PCBD2: variants seen among roughly 807,000 people sequenced by gnomAD.
PCBD2 encodes pterin-4-alpha-carbinolamine dehydratase 2.
Under a neutral mutation model 16.4 loss-of-function variants are expected in PCBD2, and 12 were observed. The ratio of observed to expected loss-of-function variants is 0.73; its 90% confidence interval spans 0.47 to 1.19. The LOEUF is 1.19. PCBD2 is among the 50% of genes most tolerant of loss of function. PCBD2 has a pLI of 0.00. For missense variants in PCBD2, 138 were observed against 156.8 expected, an observed-to-expected ratio of 0.88 and a Z score of 0.64; for synonymous variants, 58 against 61.8, an observed-to-expected ratio of 0.94 and a Z score of 0.29.
At chr5:134,950,734 A>T (rs1004308475) in intron 2 of PCBD2, among the ~76,000 whole-genome samples, 4 of 152,228 alleles carry the variant, frequency 2.6e-5, no homozygotes, top group Non-Finnish European at 4.4e-5. Context: ...TTAAAAAGTC[A>T]TACTTCATCA....
At chr5:134,926,034 G>A (rs1344411039) in intron 2 of PCBD2, 6 of 374,286 alleles carry the variant, frequency 1.6e-5, no homozygotes, top group Admixed American at 4.6e-5. Flanking sequence ...CTTCTCAGCC[G>A]ATGAATAGCT....
intron 2 of PCBD2, among the ~76,000 whole-genome samples, chr5:134,932,490 C>T (rs560105551): frequency 2.6e-5 from 4 of 152,132 alleles, no homozygotes; most frequent in African/African-American, 7.2e-5. Flanking sequence ...TACAGGGATG[C>T]GCCACCACGC....
At chr5:134,938,422 T>TG (rs1230972409) in intron 2 of PCBD2, among the ~76,000 whole-genome samples, 1 of 152,212 alleles carries the variant, frequency 6.6e-6, no homozygotes, top group African/African-American at 2.4e-5. Flanking sequence ...TATAAAATGA[T>TG]GTGGGTATTG....
chr5:134,910,455 A>T lies in PCBD2; in HGVS notation c.205A>T (p.Asn69Tyr), dbSNP rs535932812. The change falls in exon 2 of 4, where the codon AAT (asparagine) becomes TAT (tyrosine). Residue 69 changes from asparagine to tyrosine, a missense_variant. By Grantham distance (143) the Asn-to-Tyr change is moderately radical (BLOSUM62 -2). Transcript: ENST00000254908. ...DAIYKEFSFH[N>Y]FNQAFGFMSR... is the part of the protein sequence containing the mutation. ...CATCTACAAAGAATTCTCCTTCCAC[A>T]ATTTTAATCAGGTAATTGTTATAAA... 6.2e-7 allele frequency: 1 copy of T among 1,614,138 alleles called. No individual in the cohort carries two copies. Among genetic ancestry groups the T allele is most frequent in the South Asian group, 1.1e-5 (1 of 91,086 alleles).
chr5:134,961,307 G>A lies in PCBD2; in HGVS notation c.*626G>A, dbSNP rs1177075061. 1 of 143,532 alleles carries A rather than the reference G, an allele frequency of 7.0e-6. No individual in the cohort carries two copies. The highest frequency in any genetic ancestry group is 2.3e-4 in the South Asian group (1 of 4,380). The allele number at this position is 143,532 out of a possible 1,614,324, so 8.9% of individuals were successfully genotyped here. A position where few individuals can be genotyped will look rare whatever the true frequency, so the allele number is the denominator to read the frequency against. On this transcript the variant is annotated 3_prime_UTR_variant, in exon 4 of 4. Transcript: ENST00000254908. ...AGAAGTGGCTTTTTTTTTTTTTTGA[G>A]ACGGAGTCTTGCTCTGTCACCAGGC...
At chr5:134,935,241 G>C (rs1446824284) in intron 2 of PCBD2, among the ~76,000 whole-genome samples, 1 of 152,194 alleles carries the variant, frequency 6.6e-6, no homozygotes, top group Non-Finnish European at 1.5e-5. Flanking sequence ...GCTTTTGCTG[G>C]TTTAAATGTA....
At chr5:134,906,389 A>G (rs1014376548) in intron 1 of PCBD2, among the ~76,000 whole-genome samples, 1 of 151,512 alleles carries the variant, frequency 6.6e-6, no homozygotes, top group Non-Finnish European at 1.5e-5. Context: ...TATTTTTAGT[A>G]GAGGCGGGGT....
At position 134,943,441 on chromosome 5, in the gene PCBD2, C is replaced by T. The variant is rs145046916; in HGVS notation, c.217-15599C>T. Among the ~76,000 whole-genome samples, 491 of 152,328 alleles carry T rather than the reference C, an allele frequency of 3.2e-3. 1 individual carries two copies. Among genetic ancestry groups the T allele is most frequent in the Middle Eastern group, 6.8e-3 (2 of 294 alleles). On this transcript the variant is annotated intron_variant, in intron 2 of 3. Coordinates refer to ENST00000254908, the MANE Select transcript of PCBD2 (RefSeq NM_032151.5). ...TAAGGAAAAGTCACTGTTGATAGCACTCAGAATGCCACCAGTATTGCAGAT... is the reference window on the plus strand; with the variant it reads ...TAAGGAAAAGTCACTGTTGATAGCATTCAGAATGCCACCAGTATTGCAGAT...
chr5:134,922,827 T>A (rs1010461693), intron 2 of PCBD2, among the ~76,000 whole-genome samples: 1 of 152,090 alleles, frequency 6.6e-6, no homozygotes, highest in Admixed American at 6.5e-5. Context: ...CACGCCCAGC[T>A]AATTTTTTGT....
intron 2 of PCBD2, chr5:134,925,558 A>G (rs2149533351): frequency 2.5e-6 from 1 of 398,256 alleles, no homozygotes; most frequent in Middle Eastern, 6.3e-4. Flanking sequence ...GAAGGCCACG[A>G]TTTTTTTGAT....
intron 2 of PCBD2, among the ~76,000 whole-genome samples, chr5:134,939,371 A>G (rs1751197854): frequency 6.8e-6 from 1 of 147,624 alleles, no homozygotes; most frequent in South Asian, 2.1e-4. Flanking sequence ...TGAAGTTTTT[A>G]GAAGTTTGTA....
At chr5:134,922,383 C>T (rs1038304352) in intron 2 of PCBD2, among the ~76,000 whole-genome samples, 2 of 152,028 alleles carry the variant, frequency 1.3e-5, no homozygotes, top group Non-Finnish European at 2.9e-5. Flanking sequence ...TCAAACTGTT[C>T]TTCTCCTTTC....
At chr5:134,931,867 G>C (rs10515465) in intron 2 of PCBD2, among the ~76,000 whole-genome samples, 31,022 of 152,146 alleles carry the variant, frequency 0.2, 3,558 homozygotes, top group Middle Eastern at 0.28. Context: ...AAGATTGCCA[G>C]CTACTGAAAG....
At chr5:134,912,620 C>T (rs1327768051) in intron 2 of PCBD2, among the ~76,000 whole-genome samples, 2 of 152,152 alleles carry the variant, frequency 1.3e-5, no homozygotes, top group Non-Finnish European at 2.9e-5. Flanking sequence ...AATAGTCACT[C>T]ATTAGCTGGG....
chr5:134,944,264 CT>C (rs1751265538), intron 2 of PCBD2, among the ~76,000 whole-genome samples: 1 of 152,088 alleles, frequency 6.6e-6, no homozygotes, highest in Admixed American at 6.6e-5. Context: ...GTATTTGGAC[CT>C]TGGAGAAACT....
intron 2 of PCBD2, among the ~76,000 whole-genome samples, chr5:134,953,507 A>G (rs919378425): frequency 6.6e-6 from 1 of 151,986 alleles, no homozygotes; most frequent in Non-Finnish European, 1.5e-5. Flanking sequence ...ATAGTCTTCT[A>G]TTTCTGGCTG....
intron 2 of PCBD2, among the ~76,000 whole-genome samples, chr5:134,951,879 A>G (rs1269992706): frequency 1.3e-5 from 2 of 152,134 alleles, no homozygotes; most frequent in Admixed American, 1.3e-4. Flanking sequence ...TACTGCAAAT[A>G]TAATTTGTTG....
intron 2 of PCBD2, among the ~76,000 whole-genome samples, chr5:134,918,017 G>A (rs1750853799): frequency 6.6e-6 from 1 of 152,208 alleles, no homozygotes; most frequent in Admixed American, 6.5e-5. Flanking sequence ...ATCCTCCACA[G>A]AATATTGGTG....
At chr5:134,921,671 A>G (rs145072968) in intron 2 of PCBD2, among the ~76,000 whole-genome samples, 23 of 152,270 alleles carry the variant, frequency 1.5e-4, no homozygotes, top group African/African-American at 5.1e-4. Context: ...CAGTAGCCAC[A>G]CCAGCATCCT....
Sources: gnomAD v4.1 joint callset for allele counts (sites outside exome capture counted in the v4.1 genomes callset) on GRCh38, gnomAD v4.1.1 for gene constraint, MANE v1.5 for transcripts, NCBI Gene and HGNC (gene_info 2026-07-23, HGNC 2026-07-21) for gene names.